The following COL4A6 variants were observed in gnomAD, a reference collection of about 807,000 sequenced individuals.
The protein encoded by COL4A6 is collagen alpha-6(IV) chain.
In COL4A6, 59 loss-of-function variants were observed where a neutral mutation model predicts 126.7. The observed-to-expected ratio is 0.47, with a 90% confidence interval of 0.38 to 0.58. COL4A6 has a LOEUF of 0.58. Among genes scored for constraint, COL4A6 ranks in the 20% least tolerant of loss-of-function variants. The pLI is 0.00. For synonymous variants in COL4A6, 547 were observed against 496.6 expected, an observed-to-expected ratio of 1.10 and a Z score of -1.35; for missense variants, 1,285 against 1,337.3, an observed-to-expected ratio of 0.96 and a Z score of 0.61.
At chrX:108,162,854 C>G in intron 41 of COL4A6, 38 bp downstream of exon 41, 1 of 1,119,658 alleles carries the variant, frequency 8.9e-7, no homozygotes. Flanking sequence ...ACTGTCTCAA[C>G]TCCCCAACAA....
At chrX:108,423,559 C>A (rs2064020269) in intron 2 of COL4A6, among the ~76,000 whole-genome samples, 1 of 111,650 alleles carries the variant, frequency 9.0e-6, no homozygotes. Flanking sequence ...ATCTAACATT[C>A]TGGTTCCAGC....
Position 108,180,790 on chromosome X carries a change from C to T in COL4A6, c.2023+107G>A. The T allele has an allele frequency of 4.4e-6, 4 of 910,320 alleles. No individual in the cohort carries two copies. In the South Asian group the frequency reaches 6.3e-5, roughly 14 times the overall value. 75.0% of individuals were successfully genotyped at this position (910,320 alleles called of 1,213,427 possible). A position where few individuals can be genotyped will look rare whatever the true frequency, so the allele number is the denominator to read the frequency against. On this transcript the variant is annotated intron_variant, in intron 24 of 44. Coordinates refer to ENST00000334504, the MANE Select transcript of COL4A6 (RefSeq NM_033641.4). ...TGTTTCCTCAATCCCCAAGGCTGCC[C>T]TCAGGAGGAATGTGGATCCCCAAAT... is the stretch of plus-strand genomic sequence containing the variant.
At chrX:108,226,630 C>A (rs1194176091) in intron 3 of COL4A6, among the ~76,000 whole-genome samples, 2 of 110,620 alleles carry the variant, frequency 1.8e-5, no homozygotes, top group African/African-American at 3.3e-5. Flanking sequence ...CCAACTCAAA[C>A]CCAACATGCC....
At chrX:108,401,141 T>C (rs2041079927) in intron 2 of COL4A6, among the ~76,000 whole-genome samples, 2 of 111,606 alleles carry the variant, frequency 1.8e-5, no homozygotes, top group Admixed American at 9.6e-5. Context: ...CTACCTTCAC[T>C]ATTTATTAAG....
chrX:108,397,257 C>CTA (rs2040986068), intron 2 of COL4A6, among the ~76,000 whole-genome samples: 1 of 111,583 alleles, frequency 9.0e-6, no homozygotes, highest in Admixed American at 9.5e-5. Flanking sequence ...ACTCAGATTG[C>CTA]TATACCCTAA....
intron 3 of COL4A6, among the ~76,000 whole-genome samples, chrX:108,281,687 A>C (rs865926904): frequency 5.1e-4 from 57 of 111,018 alleles, no homozygotes; most frequent in African/African-American, 1.8e-3. Context: ...CACATCGCCA[A>C]GTCAATCCTA....
chrX:108,281,569 C>T (rs2037828111), intron 3 of COL4A6, among the ~76,000 whole-genome samples: 1 of 111,416 alleles, frequency 9.0e-6, no homozygotes, highest in African/African-American at 3.3e-5. Flanking sequence ...GGCCATACTG[C>T]CCAAGGCAAT....
Position 108,288,508 on chromosome X carries a change from C to T in COL4A6, c.144+22240G>A, listed in dbSNP as rs895571765. 3.6e-5 allele frequency among the ~76,000 whole-genome samples: 4 copies of T among 111,409 alleles called. No individual in the cohort carries two copies. The Admixed American group carries it at 3.8e-4, about 11-fold the overall frequency. Reference sequence around the variant, plus strand: ...CTAGGCTAAGTTCTAGACATAAAGGCGTGTATAGACTGGGGCATAATACTC... The same window carrying T: ...CTAGGCTAAGTTCTAGACATAAAGGTGTGTATAGACTGGGGCATAATACTC... On this transcript the variant is annotated intron_variant, in intron 3 of 44. Transcript: ENST00000334504.
At chrX:108,427,164 G>C (rs936474732) in intron 2 of COL4A6, among the ~76,000 whole-genome samples, 7 of 111,788 alleles carry the variant, frequency 6.3e-5, no homozygotes, top group Non-Finnish European at 7.5e-5. Context: ...GCTCTGAGGA[G>C]TTACGGAGCA....
rs139174286 is a variant in COL4A6 at position 108,277,877 on chromosome X, A to G, written c.144+32871T>C. On this transcript the variant is annotated intron_variant, in intron 3 of 44. Coordinates refer to ENST00000334504, the MANE Select transcript of COL4A6 (RefSeq NM_033641.4). ...AGCCACCGCTGCTGGTACCCAGGCA[A>G]GCAGTGTCTGGAGTAGACCTCTAGC... is the stretch of plus-strand genomic sequence containing the variant. Among the ~76,000 whole-genome samples, 1,053 of 112,384 alleles carry G rather than the reference A, an allele frequency of 9.4e-3. 13 individuals are homozygous for G. The highest frequency in any genetic ancestry group is 0.032 in the African/African-American group (997 of 30,909).
chrX:108,401,404 A>G (rs2041085095), intron 2 of COL4A6, among the ~76,000 whole-genome samples: 1 of 110,907 alleles, frequency 9.0e-6, no homozygotes, highest in Non-Finnish European at 1.9e-5. Context: ...GTGGTCATTA[A>G]TAGGTGATGT....
chrX:108,186,262 A>C (rs767000328), intron 23 of COL4A6, among the ~76,000 whole-genome samples: 20 of 111,910 alleles, frequency 1.8e-4, no homozygotes, highest in Non-Finnish European at 3.8e-4. Context: ...TCACTCACTC[A>C]TCTATCCATC....
At chrX:108,335,134 C>T (rs776071260) in intron 2 of COL4A6, among the ~76,000 whole-genome samples, 2 of 112,274 alleles carry the variant, frequency 1.8e-5, no homozygotes, top group East Asian at 5.6e-4. Context: ...TCAGGCCTAG[C>T]TAAAGTCTTT....
intron 23 of COL4A6, among the ~76,000 whole-genome samples, chrX:108,181,949 T>C (rs2034699422): frequency 8.9e-6 from 1 of 112,644 alleles, no homozygotes; most frequent in Admixed American, 9.4e-5. Flanking sequence ...TGTACTTAAA[T>C]CACAAATTAC....
intron 32 of COL4A6, 38 bp downstream of exon 32, chrX:108,172,431 A>G (rs372005192): frequency 3.9e-6 from 4 of 1,036,360 alleles, no homozygotes; most frequent in Admixed American, 2.5e-5. Flanking sequence ...ACCTTGCTCT[A>G]GAAGAAAACA....
Position 108,188,531 on chromosome X carries a change from G to A in COL4A6, c.1573C>T (p.Pro525Ser), listed in dbSNP as rs761156220. ...GDRGSGGAQG[P>S]AGAPGLVGPL... ...GCAAGACTTACTGGAGCCCCTGCTGGGCCCTGTGCACCCCCAGAGCCTCGA... is the reference window on the plus strand; with the variant it reads ...GCAAGACTTACTGGAGCCCCTGCTGAGCCCTGTGCACCCCCAGAGCCTCGA... Residue 525 changes from proline (P) to serine (S), a missense_variant, in exon 21 of 45, where the codon CCA becomes TCA. By Grantham distance (74) the Pro-to-Ser change is moderately conservative. Coordinates refer to ENST00000334504, the MANE Select transcript of COL4A6 (RefSeq NM_033641.4). 13 of 1,126,849 alleles carry A rather than the reference G, an allele frequency of 1.2e-5. No individual in the cohort carries two copies. Among genetic ancestry groups the A allele is most frequent in the Non-Finnish European group, 1.5e-5 (13 of 854,502 alleles). 92.9% of individuals were successfully genotyped at this position (1,126,849 alleles called of 1,213,427 possible). A position where few individuals can be genotyped will look rare whatever the true frequency, so the allele number is the denominator to read the frequency against.
intron 43 of COL4A6, 148 bp from the exon 44 acceptor site, chrX:108,159,896 G>T: frequency 1.7e-6 from 1 of 600,551 alleles, no homozygotes; most frequent in Non-Finnish European, 2.8e-6. Flanking sequence ...GTGCTGAAGT[G>T]TGTTGAGCAA....
At chrX:108,219,041 G>C (rs1322171097) in intron 5 of COL4A6, among the ~76,000 whole-genome samples, 1 of 112,304 alleles carries the variant, frequency 8.9e-6, no homozygotes, top group Non-Finnish European at 1.9e-5. Context: ...ATCACCAGTG[G>C]TGGGATAGGC....
At chrX:108,260,834 C>G (rs186898856) in intron 3 of COL4A6, among the ~76,000 whole-genome samples, 1 of 108,743 alleles carries the variant, frequency 9.2e-6, no homozygotes, top group East Asian at 3.0e-4. Flanking sequence ...CATAATGTGG[C>G]TAGAAGCATA....
Sources: allele counts gnomAD v4.1 joint callset (sites outside exome capture counted in the v4.1 genomes callset), GRCh38; gene constraint gnomAD v4.1.1; transcripts MANE v1.5; gene names NCBI Gene and HGNC (gene_info 2026-07-23, HGNC 2026-07-21).